CFAP251: variants seen among roughly 807,000 people sequenced by gnomAD.
CFAP251 encodes cilia and flagella associated protein 251, also known as cilia- and flagella-associated protein 251.
A neutral mutation model predicts 126.7 loss-of-function variants in CFAP251; 93 were observed. That is an observed-to-expected ratio of 0.73 (90% CI 0.62 to 0.87). The LOEUF is 0.87. Among genes scored for constraint, CFAP251 ranks in the 40% least tolerant of loss-of-function variants. CFAP251 has a pLI of 0.00. For missense variants in CFAP251, 1,287 were observed against 1,389.2 expected (o/e 0.93, Z 1.17); for synonymous variants, 503 against 506.9 (o/e 0.99, Z 0.10).
intron 21 of CFAP251, among the ~76,000 whole-genome samples, chr12:122,002,268 T>C (rs905717173): frequency 2.0e-5 from 3 of 152,090 alleles, no homozygotes; most frequent in Non-Finnish European, 4.4e-5. Flanking sequence ...GGCAGGAGAA[T>C]CGCTTGAATC....
At chr12:121,987,156 A>C (rs2135809109) in intron 19 of CFAP251, among the ~76,000 whole-genome samples, 1 of 152,314 alleles carries the variant, frequency 6.6e-6, no homozygotes, top group East Asian at 1.9e-4. Context: ...GGAAATTTGC[A>C]CTTTGAAGAG....
intron 19 of CFAP251, among the ~76,000 whole-genome samples, chr12:121,993,467 A>C (rs1344447606): frequency 8.2e-6 from 1 of 121,240 alleles, no homozygotes; most frequent in Non-Finnish European, 1.7e-5. Context: ...CTGGCTGCCC[A>C]GTCTGGAAAG....
chr12:121,988,879 G>A (rs1882812368), intron 19 of CFAP251, among the ~76,000 whole-genome samples: 1 of 151,874 alleles, frequency 6.6e-6, no homozygotes, highest in Non-Finnish European at 1.5e-5. Flanking sequence ...GGGACTACAG[G>A]TGCCCGCCCC....
chr12:121,997,116 G>T (rs975372185), intron 19 of CFAP251: 1 of 152,186 alleles, frequency 6.6e-6, no homozygotes, highest in Non-Finnish European at 1.5e-5. Context: ...GGATCCACGC[G>T]CATGTGATGA....
intron 9 of CFAP251, among the ~76,000 whole-genome samples, chr12:121,952,254 A>T (rs1881557976): frequency 6.9e-6 from 1 of 145,096 alleles, no homozygotes; most frequent in Admixed American, 6.9e-5. Context: ...AAAAAAAAAA[A>T]AAAAAAAAAA....
At chr12:121,941,317 C>T (rs1367231033) in intron 5 of CFAP251, among the ~76,000 whole-genome samples, 12 of 148,976 alleles carry the variant, frequency 8.1e-5, no homozygotes, top group African/African-American at 3.0e-4. Flanking sequence ...CAGGTGTGAG[C>T]CACCATGCTG....
At chr12:121,923,369 G>T (rs1322369530) in intron 2 of CFAP251, among the ~76,000 whole-genome samples, 1 of 152,052 alleles carries the variant, frequency 6.6e-6, no homozygotes, top group Non-Finnish European at 1.5e-5. Context: ...GTGTTGCCCA[G>T]GCTGGTCTTG....
rs186881002 is a variant in CFAP251 at position 121,931,855 on chromosome 12, A to G, written c.857A>G (p.Asn286Ser). ...YVCAHTAIIY[N>S]VFRNNQYHLQ... ...TGTGCTCACACTGCGATCATCTACA[A>G]CGTGTTCAGGAACAATCAATACCAC... Residue 286 changes from asparagine to serine, a missense_variant, in exon 4 of 22, where the codon AAC (asparagine) becomes AGC (serine). Coordinates refer to ENST00000288912, the MANE Select transcript of CFAP251 (RefSeq NM_144668.6). 47 of 1,598,954 alleles carry G rather than the reference A, an allele frequency of 2.9e-5. No individual in the cohort carries two copies. Among genetic ancestry groups the G allele is most frequent in the Admixed American group, 7.0e-5 (4 of 57,412 alleles).
chr12:121,988,736 CT>C (rs942650571), intron 19 of CFAP251, among the ~76,000 whole-genome samples: 65 of 148,606 alleles, frequency 4.4e-4, no homozygotes, highest in Non-Finnish European at 8.5e-4. Context: ...ATTTTTTTTT[CT>C]TTTTTTTCTC....
chr12:121,940,177 A>C (rs1013894355), intron 5 of CFAP251, among the ~76,000 whole-genome samples: 2 of 152,240 alleles, frequency 1.3e-5, no homozygotes, highest in Non-Finnish European at 2.9e-5. Context: ...CTGGTATGTC[A>C]AATTCACTTA....
At chr12:121,958,160 G>A (rs1881794083) in intron 11 of CFAP251, 112 bp from the exon 12 acceptor site, 1 of 1,454,814 alleles carries the variant, frequency 6.9e-7, no homozygotes, top group South Asian at 1.3e-5. Context: ...GGTTAATAAT[G>A]TCACTAAATT....
intron 3 of CFAP251, among the ~76,000 whole-genome samples, chr12:121,929,575 T>G (rs1466380962): frequency 1.3e-5 from 2 of 152,036 alleles, no homozygotes; most frequent in East Asian, 1.9e-4. Flanking sequence ...TATCCTGACA[T>G]GTACCCAGCA....
intron 21 of CFAP251, among the ~76,000 whole-genome samples, 168 bp from the exon 22 acceptor site, chr12:122,003,484 G>A (rs1273558172): frequency 6.6e-6 from 1 of 152,082 alleles, no homozygotes; most frequent in Admixed American, 6.6e-5. Context: ...GAGGTGGGAG[G>A]ATCACTTGAC....
intron 3 of CFAP251, among the ~76,000 whole-genome samples, chr12:121,926,292 T>C (rs1880411722): frequency 6.6e-6 from 1 of 152,000 alleles, no homozygotes; most frequent in Non-Finnish European, 1.5e-5. Context: ...TTCCTTCACT[T>C]TCTTTTTCTT....
chr12:121,929,290 C>T (rs1180361756), intron 3 of CFAP251, among the ~76,000 whole-genome samples: 2 of 146,862 alleles, frequency 1.4e-5, no homozygotes, highest in Non-Finnish European at 3.0e-5. Flanking sequence ...CACTGCACTG[C>T]AGCCTGGTGA....
At chr12:121,992,944 G>GCTCTCCCTCTCCCTCTCCCTCTCC in intron 19 of CFAP251, among the ~76,000 whole-genome samples, 1 of 133,120 alleles carries the variant, frequency 7.5e-6, no homozygotes, top group Non-Finnish European at 1.6e-5. Flanking sequence ...AATCACAAGA[G>GCTCTCCCTCTCCCTCTCCCTCTCC]CTCTCCCTCT....
chr12:121,921,792 CTTT>C (rs3040015), intron 2 of CFAP251, 109 bp downstream of exon 2: 316 of 796,132 alleles, frequency 4.0e-4, no homozygotes, highest in South Asian at 7.6e-4. Flanking sequence ...CAATCCATTC[CTTT>C]TTTTTTTTTT....
rs773892948 is a variant in CFAP251, at chr12:122,001,543, G to A, written c.3282G>A (p.Leu1094=). Residue 1094 remains leucine, a synonymous_variant, in exon 21 of 22, where the codon CTG becomes CTA. Coordinates refer to ENST00000288912, the MANE Select transcript of CFAP251 (RefSeq NM_144668.6). ...EEEMLDCFAS[L]FGLNPEGWKS... is the part of the protein sequence containing the mutation. ...AGATGTTGGATTGCTTTGCTTCACT[G>A]TTTGGCCTGAATCCCGAGGGATGGA... is the stretch of plus-strand genomic sequence containing the variant. 1.2e-6 allele frequency: 2 copies of A among 1,614,004 alleles called. No individual in the cohort carries two copies. Among genetic ancestry groups the A allele is most frequent in the Non-Finnish European group, 1.7e-6 (2 of 1,180,026 alleles).
Position 121,959,434 on chromosome 12 carries a change from C to T in CFAP251, c.2133+340C>T, listed in dbSNP as rs544518816. ...CTGCCTTTATGTTGGGAGGGAAAAG[C>T]AGTGGTCTTCGCTAAACTCCTGTCC... On this transcript the variant is annotated intron_variant, in intron 13 of 21. Transcript: ENST00000288912. 13 of 193,826 alleles carry T rather than the reference C, an allele frequency of 6.7e-5. No individual in the cohort carries two copies. The South Asian group carries it at 1.0e-3, about 15-fold the overall frequency. 12.0% of individuals were successfully genotyped at this position (193,826 alleles called of 1,614,324 possible).
Sources: gnomAD v4.1 joint callset for allele counts (sites outside exome capture counted in the v4.1 genomes callset) on GRCh38, gnomAD v4.1.1 for gene constraint, MANE v1.5 for transcripts, NCBI Gene and HGNC (gene_info 2026-07-23, HGNC 2026-07-21) for gene names.